The following CCAR2 variants were observed in gnomAD, a reference collection of about 807,000 sequenced individuals.
The protein encoded by CCAR2 is cell cycle and apoptosis regulator 2.
In CCAR2, 21 loss-of-function variants were observed where a neutral mutation model predicts 108.1. The ratio of observed to expected loss-of-function variants is 0.19; its 90% CI spans 0.14 to 0.28. The LOEUF (loss-of-function observed/expected upper bound fraction) is 0.28. Ranked by LOEUF, CCAR2 falls within the 10% of genes least tolerant of loss-of-function variation. The probability of loss-of-function intolerance (pLI) is 1.00; values close to 1 mark genes in which losing one functional copy is unlikely to be tolerated. For synonymous variants in CCAR2, 577 were observed against 472.8 expected (o/e 1.22, Z -2.86); for missense variants, 1,126 against 1,177.0 (o/e 0.96, Z 0.63).
chr8:22,618,122 C>T (rs1184297643), intron 16 of CCAR2: 7 of 612,260 alleles, frequency 1.1e-5, no homozygotes, highest in Non-Finnish European at 2.0e-5. Flanking sequence ...CTGTGTTGCC[C>T]AGGCTGGAGC....
In CCAR2 at chr8:22,615,500, G is replaced by A. The variant is rs148396036; in HGVS notation, c.1281G>A (p.Pro427=). Residue 427 remains proline, a synonymous_variant, in exon 12 of 21, where the codon CCG becomes CCA. Transcript: ENST00000308511. ...RRLQTVVVYL[P]DVWTIMPTLE... ...TTCAGACAGTGGTGGTGTACCTGCCGGATGTCTGGACCATCATGCCTACTT... is the reference window on the plus strand; with the variant it reads ...TTCAGACAGTGGTGGTGTACCTGCCAGATGTCTGGACCATCATGCCTACTT... 1.8e-4 allele frequency: 290 copies of A among 1,613,936 alleles called. 2 individuals carry two copies. In the African/African-American group the frequency reaches 2.6e-3, roughly 15 times the overall value.
rs748669476 is a variant in CCAR2 at position 22,616,261 on chromosome 8, C to G, written c.1845+13C>G. The G allele has an allele frequency of 7.5e-6, 12 of 1,608,890 alleles. No homozygotes were observed. The South Asian group carries it at 1.2e-4, about 16-fold the overall frequency. ...AGAGGCCCCGCTGGTGAGTACCCTG[C>G]CACCTCGGGCTGTCATAGTGCTTAC... On this transcript the variant is annotated intron_variant, in intron 14 of 20. Coordinates refer to ENST00000308511, the MANE Select transcript of CCAR2 (RefSeq NM_001393997.1).
At position 22,614,007 on chromosome 8, in the gene CCAR2, C is replaced by T. The variant is rs117666963; in HGVS notation, c.705-85C>T. On this transcript the variant is annotated intron_variant, in intron 8 of 20. Coordinates refer to ENST00000308511, the MANE Select transcript of CCAR2 (RefSeq NM_001393997.1). ...AAAGTTCTCAGACTGAAAAAAAATT[C>T]GCCCATTTTTTCAAATCTTTGATGG... 544 of 1,262,406 alleles carry T rather than the reference C, an allele frequency of 4.3e-4. 5 individuals carry two copies. In the East Asian group the frequency reaches 0.01, roughly 24 times the overall value. The allele number at this position is 1,262,406 out of a possible 1,614,324, so 78.2% of individuals were successfully genotyped here.
rs543712634 is a variant in CCAR2, at chr8:22,619,489, A to C, written c.2727+134A>C. On this transcript the variant is annotated intron_variant, in intron 20 of 20. Transcript: ENST00000308511. ...CGGCTTCGTCTTTCCATCGCTTGCC[A>C]GGCAGTGTGCCCCTGGTTGCAGGTT... is the stretch of plus-strand genomic sequence containing the variant. 47 of 1,402,170 alleles carry C rather than the reference A, an allele frequency of 3.4e-5. No individual in the cohort carries two copies. In the South Asian group the frequency reaches 5.9e-4, roughly 18 times the overall value. The allele number at this position is 1,402,170 out of a possible 1,614,324, so 86.9% of individuals were successfully genotyped here. A position where few individuals can be genotyped will look rare whatever the true frequency, so the allele number is the denominator to read the frequency against.
downstream of CCAR2, chr8:22,621,334 A>C: frequency 3.4e-6 from 5 of 1,489,820 alleles, no homozygotes; most frequent in Non-Finnish European, 4.5e-6. Context: ...CTCTGTCCCC[A>C]GCCTGTGAGA....
intron 11 of CCAR2, 81 bp downstream of exon 11, chr8:22,615,082 T>TTTC: frequency 7.0e-7 from 1 of 1,430,392 alleles, no homozygotes; most frequent in Non-Finnish European, 9.2e-7. Context: ...TCCCTGCCCC[T>TTTC]TTCTGCTGGT....
chr8:22,607,058 G>C, intron 5 of CCAR2, 34 bp downstream of exon 5: 1 of 1,611,620 alleles, frequency 6.2e-7, no homozygotes, highest in Non-Finnish European at 8.5e-7. Flanking sequence ...GCATTGGAAA[G>C]GGAAGGGATG....
intron 14 of CCAR2, 73 bp downstream of exon 14, chr8:22,616,321 G>GT: frequency 7.0e-7 from 1 of 1,425,792 alleles, no homozygotes; most frequent in Non-Finnish European, 9.8e-7. Flanking sequence ...GCTCTGTTCC[G>GT]AGCGCTTCCT....
rs1440063636 is a variant in CCAR2 at position 22,620,023 on chromosome 8, G to GAAAA, written c.*343_*346dup. 7 of 312,362 alleles carry GAAAA rather than the reference G, an allele frequency of 2.2e-5. No individual in the cohort carries two copies. Among genetic ancestry groups the GAAAA allele is most frequent in the African/African-American group, 1.3e-4 (6 of 47,094 alleles). 19.3% of individuals were successfully genotyped at this position (312,362 alleles called of 1,614,324 possible). On this transcript the variant is annotated 3_prime_UTR_variant, in exon 21 of 21. Coordinates refer to ENST00000308511, the MANE Select transcript of CCAR2 (RefSeq NM_001393997.1). ...TTCCAGTTTAGAATAAGACAGGGGAGAAAAAGGCTTTTCGAGTGTGGGACA... is the reference window on the plus strand; with the variant it reads ...TTCCAGTTTAGAATAAGACAGGGGAGAAAAAAAAAGGCTTTTCGAGTGTGGGACA...
rs1275970648 is a variant in CCAR2 at position 22,615,515 on chromosome 8, C to T, written c.1296C>T (p.Ile432=). ...TGTACCTGCCGGATGTCTGGACCAT[C>T]ATGCCTACTTTGGAGGAGTGGGAGG... ...VVVYLPDVWT[I]MPTLEEWEAL... is the part of the protein sequence containing the mutation. Residue 432 remains isoleucine (I), a synonymous_variant, in exon 12 of 21, where the codon ATC becomes ATT. Transcript: ENST00000308511. The T allele has an allele frequency of 3.7e-6, 6 of 1,614,014 alleles. No individual in the cohort carries two copies. In the Admixed American group the frequency reaches 6.7e-5, roughly 18 times the overall value.
intron 7 of CCAR2, among the ~76,000 whole-genome samples, chr8:22,609,955 C>T (rs1434816810): frequency 6.9e-6 from 1 of 144,012 alleles, no homozygotes; most frequent in Non-Finnish European, 1.5e-5. Context: ...TTTTTGAGTG[C>T]TGACATGGCA....
At chr8:22,606,796 C>G in intron 4 of CCAR2, 98 bp downstream of exon 4, 1 of 1,465,174 alleles carries the variant, frequency 6.8e-7, no homozygotes. Flanking sequence ...CATTGCTTTG[C>G]TGTTTTTGTG....
chr8:22,606,906 A>G lies in CCAR2; in HGVS notation c.243-4A>G, dbSNP rs370960928. 6.8e-6 allele frequency: 11 copies of G among 1,613,776 alleles called. No individual in the cohort carries two copies. The African/African-American group carries it at 1.5e-4, about 22-fold the overall frequency. On this transcript the variant is annotated splice_polypyrimidine_tract_variant and splice_region_variant and intron_variant, in intron 4 of 20. Transcript: ENST00000308511. Reference sequence around the variant, plus strand: ...ATGGGGCCTTCTGGCTTGTGTGCTGACAGTGTGGTGAAGGGCCGTCTGCCC... The same window carrying G: ...ATGGGGCCTTCTGGCTTGTGTGCTGGCAGTGTGGTGAAGGGCCGTCTGCCC...
At chr8:22,605,890 T>G (rs1801058157) in intron 2 of CCAR2, 59 bp downstream of exon 2, 3 of 1,557,636 alleles carry the variant, frequency 1.9e-6, no homozygotes, top group Non-Finnish European at 2.6e-6. Flanking sequence ...TGGAGTTAGT[T>G]TGGGGTTTCC....
intron 7 of CCAR2, among the ~76,000 whole-genome samples, chr8:22,609,814 C>T (rs531704837): frequency 6.6e-5 from 10 of 152,276 alleles, no homozygotes; most frequent in South Asian, 2.1e-4. Context: ...TTGTCCTGGA[C>T]GTGCTGAGGC....
downstream of CCAR2, chr8:22,620,632 G>A (rs1368188783): frequency 6.6e-6 from 1 of 152,160 alleles, no homozygotes; most frequent in African/African-American, 2.4e-5. Context: ...GCCTGCTGGA[G>A]GGTGCTGCTG....
chr8:22,616,866 CT>C (rs36086286), intron 14 of CCAR2, among the ~76,000 whole-genome samples: 55 of 54,732 alleles, frequency 1.0e-3, no homozygotes, highest in Non-Finnish European at 1.8e-3. Context: ...TACTAGTCTG[CT>C]TTTTTTTTTT....
chr8:22,617,626 A>G (rs1487344732), intron 15 of CCAR2, 62 bp downstream of exon 15: 5 of 1,612,428 alleles, frequency 3.1e-6, no homozygotes, highest in Non-Finnish European at 4.2e-6. Flanking sequence ...CCTGTGGCCA[A>G]GCTGGTTTTC....
intron 6 of CCAR2, 113 bp from the exon 7 acceptor site, chr8:22,607,856 C>T (rs759974523): frequency 1.4e-5 from 11 of 771,610 alleles, no homozygotes; most frequent in Non-Finnish European, 2.2e-5. Flanking sequence ...GAACTCCTGA[C>T]CTCAAGTGAT....
Sources: gnomAD v4.1 joint callset for allele counts (sites outside exome capture counted in the v4.1 genomes callset) on GRCh38, gnomAD v4.1.1 for gene constraint, MANE v1.5 for transcripts, NCBI Gene and HGNC (gene_info 2026-07-23, HGNC 2026-07-21) for gene names.